Variants in INTS9 observed in about 807,000 individuals in gnomAD.
INTS9 encodes the protein protein related to CPSF subunits of 74 kDa.
Under a neutral mutation model 79.7 loss-of-function variants are expected in INTS9, and 55 were observed. The ratio of observed to expected loss-of-function variants is 0.69; its 90% CI spans 0.56 to 0.86. The LOEUF (loss-of-function observed/expected upper bound fraction) is 0.86. Ranked by LOEUF, INTS9 falls within the 40% of genes least tolerant of loss-of-function variation. The pLI, the probability that INTS9 is intolerant of heterozygous loss-of-function variation, is 0.00. For missense variants in INTS9, 721 were observed against 831.5 expected, an observed-to-expected ratio of 0.87 and a Z score of 1.64; for synonymous variants, 319 against 325.2, an observed-to-expected ratio of 0.98 and a Z score of 0.20.
intron 5 of INTS9, among the ~76,000 whole-genome samples, chr8:28,837,097 T>G (rs1354812395): frequency 1.3e-5 from 2 of 152,182 alleles, no homozygotes; most frequent in Non-Finnish European, 2.9e-5. Flanking sequence ...GGCAGAGGCT[T>G]CTTAGAGTCA....
At chr8:28,833,856 G>A (rs1260800550) in intron 6 of INTS9, among the ~76,000 whole-genome samples, 1 of 151,998 alleles carries the variant, frequency 6.6e-6, no homozygotes, top group Non-Finnish European at 1.5e-5. Context: ...TCATGGAAGT[G>A]GAATCAAGCT....
At chr8:28,860,779 A>G (rs1434834606) in intron 1 of INTS9, among the ~76,000 whole-genome samples, 1 of 151,980 alleles carries the variant, frequency 6.6e-6, no homozygotes, top group Admixed American at 6.6e-5. Context: ...ATGGCGCCCG[A>G]CCCTCTCCTG....
chr8:28,867,478 G>C (rs1808820904), intron 1 of INTS9, among the ~76,000 whole-genome samples: 1 of 151,072 alleles, frequency 6.6e-6, no homozygotes, highest in Admixed American at 6.6e-5. Context: ...TTGGGAGGCT[G>C]AGACAGGAGA....
At chr8:28,797,348 C>A (rs1306481085) in intron 8 of INTS9, among the ~76,000 whole-genome samples, 2 of 152,154 alleles carry the variant, frequency 1.3e-5, no homozygotes, top group Non-Finnish European at 2.9e-5. Flanking sequence ...CATGAAGAAC[C>A]CTGGATTGGG....
intron 14 of INTS9, among the ~76,000 whole-genome samples, 188 bp downstream of exon 14, chr8:28,775,571 C>T (rs1403255732): frequency 6.6e-6 from 1 of 152,090 alleles, no homozygotes; most frequent in Non-Finnish European, 1.5e-5. Flanking sequence ...AGGCTGGTCT[C>T]GAACTCCTGA....
chr8:28,853,829 C>T (rs1322208991), intron 2 of INTS9, among the ~76,000 whole-genome samples: 1 of 151,544 alleles, frequency 6.6e-6, no homozygotes, highest in East Asian at 1.9e-4. Flanking sequence ...CACCATTCTT[C>T]TGCCTCAGCC....
intron 11 of INTS9, 28 bp from the exon 12 acceptor site, chr8:28,781,022 A>G (rs1345043247): frequency 1.3e-6 from 2 of 1,590,230 alleles, no homozygotes; most frequent in East Asian, 2.3e-5. Flanking sequence ...AATACAAAGA[A>G]ATGTGAGCCT....
chr8:28,867,902 G>GAAT (rs1808852168), intron 1 of INTS9, among the ~76,000 whole-genome samples: 1 of 152,024 alleles, frequency 6.6e-6, no homozygotes, highest in African/African-American at 2.4e-5. Flanking sequence ...CATGAGGTAG[G>GAAT]AATCATTTTC....
At chr8:28,874,074 CT>C (rs1809238845) in intron 1 of INTS9, among the ~76,000 whole-genome samples, 1 of 152,088 alleles carries the variant, frequency 6.6e-6, no homozygotes. Context: ...TTGGAATTTG[CT>C]TTGATGCATT....
chr8:28,831,238 T>G (rs576418283), intron 6 of INTS9, among the ~76,000 whole-genome samples: 1 of 152,310 alleles, frequency 6.6e-6, no homozygotes, highest in South Asian at 2.1e-4. Flanking sequence ...TGTTCTCACT[T>G]TTAAGTGGGA....
chr8:28,813,117 C>G (rs1024934969), intron 7 of INTS9, among the ~76,000 whole-genome samples: 10 of 152,152 alleles, frequency 6.6e-5, no homozygotes, highest in Non-Finnish European at 1.3e-4. Flanking sequence ...TACTGAGTAG[C>G]TCTGGGCACA....
intron 1 of INTS9, among the ~76,000 whole-genome samples, chr8:28,868,269 ATTTTC>A (rs894833994): frequency 2.6e-5 from 4 of 152,122 alleles, no homozygotes; most frequent in African/African-American, 9.7e-5. Context: ...ATAAGCAGTA[ATTTTC>A]TTTTGTTGGT....
chr8:28,889,839 C>G, intron 1 of INTS9, 35 bp downstream of exon 1: 1 of 1,612,550 alleles, frequency 6.2e-7, no homozygotes, highest in Non-Finnish European at 8.5e-7. Flanking sequence ...GTTATAGCAT[C>G]ACCTTTGCCC....
chr8:28,835,764 G>A (rs769321496), intron 5 of INTS9, among the ~76,000 whole-genome samples: 1 of 151,750 alleles, frequency 6.6e-6, no homozygotes, highest in Non-Finnish European at 1.5e-5. Flanking sequence ...TGGTGACGTA[G>A]TAGGGTGTGG....
intron 8 of INTS9, among the ~76,000 whole-genome samples, chr8:28,804,676 A>T (rs1035833990): frequency 9.2e-5 from 14 of 152,162 alleles, no homozygotes; most frequent in African/African-American, 3.4e-4. Context: ...AAACAAGAAC[A>T]CCAAGGAAGG....
At chr8:28,837,445 C>T (rs2131186817) in intron 5 of INTS9, among the ~76,000 whole-genome samples, 192 bp downstream of exon 5, 1 of 152,358 alleles carries the variant, frequency 6.6e-6, no homozygotes. Context: ...AACAAGACTA[C>T]TTGCACCATC....
chr8:28,877,813 A>T (rs1809478075), intron 1 of INTS9, among the ~76,000 whole-genome samples: 1 of 152,216 alleles, frequency 6.6e-6, no homozygotes, highest in Non-Finnish European at 1.5e-5. Flanking sequence ...AACTTTAATC[A>T]TGAATGATTT....
At chr8:28,884,987 T>A (rs921578321) in intron 1 of INTS9, among the ~76,000 whole-genome samples, 2 of 152,336 alleles carry the variant, frequency 1.3e-5, no homozygotes, top group East Asian at 3.9e-4. Flanking sequence ...TTTCTAATGA[T>A]TTCTTAAACT....
chr8:28,795,087 C>A (rs1804127054), intron 9 of INTS9, among the ~76,000 whole-genome samples: 1 of 152,212 alleles, frequency 6.6e-6, no homozygotes. Context: ...AAGAACAGTG[C>A]CTTCCGTGTA....
Sources: allele counts gnomAD v4.1 joint callset (sites outside exome capture counted in the v4.1 genomes callset), GRCh38; gene constraint gnomAD v4.1.1; transcripts MANE v1.5; gene names NCBI Gene and HGNC (gene_info 2026-07-23, HGNC 2026-07-21).